Variants in RFTN1 observed in about 807,000 individuals in gnomAD.
RFTN1 encodes raftlin.
A neutral mutation model predicts 46.5 loss-of-function variants in RFTN1; 26 were observed. That is an observed-to-expected ratio of 0.56 (90% CI 0.41 to 0.78). The LOEUF (loss-of-function observed/expected upper bound fraction) is 0.78, where lower values mean the gene tolerates loss of function less well. Among genes scored for constraint, RFTN1 ranks in the 30% least tolerant of loss-of-function variants. RFTN1 has a pLI of 0.00. For synonymous variants in RFTN1, 261 were observed against 284.2 expected, an observed-to-expected ratio of 0.92 and a Z score of 0.82; for missense variants, 693 against 718.7, an observed-to-expected ratio of 0.96 and a Z score of 0.41.
At chr3:16,415,507 TG>T (rs1186310405) in intron 3 of RFTN1, among the ~76,000 whole-genome samples, 2 of 151,140 alleles carry the variant, frequency 1.3e-5, no homozygotes, top group African/African-American at 4.9e-5. Context: ...GGACTGCAGC[TG>T]GAGATATAAA....
chr3:16,434,805 C>A (rs1438385599), intron 2 of RFTN1: 1 of 152,066 alleles, frequency 6.6e-6, no homozygotes, highest in Non-Finnish European at 1.5e-5. Flanking sequence ...AGACAAAGGG[C>A]TAATTTCCTT....
intron 3 of RFTN1, among the ~76,000 whole-genome samples, chr3:16,423,249 C>A (rs1575268428): frequency 1.3e-5 from 2 of 151,442 alleles, no homozygotes; most frequent in African/African-American, 4.9e-5. Flanking sequence ...TGTCCTTCCA[C>A]AGACATTAGG....
intron 1 of RFTN1, among the ~76,000 whole-genome samples, chr3:16,495,633 A>G (rs1012872783): frequency 2.0e-5 from 3 of 152,248 alleles, no homozygotes; most frequent in Non-Finnish European, 4.4e-5. Context: ...GCAAGAGCAA[A>G]GGCATGGAGG....
Position 16,361,615 on chromosome 3 carries a change from G to A in RFTN1, c.1031-3568C>T, listed in dbSNP as rs1214399466. On this transcript the variant is annotated intron_variant, in intron 6 of 9. Coordinates refer to ENST00000334133, the MANE Select transcript of RFTN1 (RefSeq NM_015150.2). This position sits in a 1 kb window ranked among gnomAD's most constrained non-coding sequence, Gnocchi z 4.3. The stretch of plus-strand genomic sequence containing the variant: ...AGGGACAGCCAGCCTGACATGCAGA[G>A]TGAACGAAGGACAGCCAAGGACCAG... 6.6e-6 allele frequency among the ~76,000 whole-genome samples: 1 copy of A among 152,188 alleles called. No individual in the cohort carries two copies. The highest frequency in any genetic ancestry group is 1.5e-5 in the Non-Finnish European group (1 of 68,032).
In RFTN1 at chr3:16,327,182, CGAA is replaced by C. The variant is rs1169338795; in HGVS notation, c.1147-309_1147-307del. 1.3e-5 allele frequency among the ~76,000 whole-genome samples: 2 copies of C among 152,150 alleles called. No individual in the cohort carries two copies. The highest frequency in any genetic ancestry group is 4.8e-5 in the African/African-American group (2 of 41,428). On this transcript the variant is annotated intron_variant, in intron 7 of 9. Coordinates refer to ENST00000334133, the MANE Select transcript of RFTN1 (RefSeq NM_015150.2). The surrounding 1 kb of genome is among the most constrained non-coding windows in gnomAD (Gnocchi z 4.2). ...AATAGCCTCCTGTGAGTTTCACTGA[CGAA>C]GCATAACTGTCTCACCTCTGAGCGG... is the stretch of plus-strand genomic sequence containing the variant.
At chr3:16,412,392 T>C (rs965025570) in intron 3 of RFTN1, among the ~76,000 whole-genome samples, 2 of 152,192 alleles carry the variant, frequency 1.3e-5, no homozygotes, top group African/African-American at 2.4e-5. Flanking sequence ...AGCTATGGCC[T>C]CACAGAGGAA....
rs2073977424 is a variant in RFTN1, at chr3:16,381,103, A to G, written c.442-3001T>C. Among the ~76,000 whole-genome samples, 2 of 152,328 alleles carry G rather than the reference A, an allele frequency of 1.3e-5. No homozygotes were observed. The highest frequency in any genetic ancestry group is 2.1e-4 in the South Asian group (1 of 4,820). On this transcript the variant is annotated intron_variant, in intron 4 of 9. Coordinates refer to ENST00000334133, the MANE Select transcript of RFTN1 (RefSeq NM_015150.2). This position sits in a 1 kb window ranked among gnomAD's most constrained non-coding sequence, Gnocchi z 4.2. ...TTTAAAAATAATTACACTATCATGGAACAATTAATGCTTGAAATGACATAT... is the reference window on the plus strand; with the variant it reads ...TTTAAAAATAATTACACTATCATGGGACAATTAATGCTTGAAATGACATAT...
In RFTN1 at chr3:16,341,673, T is replaced by C. The variant is rs2071327851; in HGVS notation, c.1147-14797A>G. On this transcript the variant is annotated intron_variant, in intron 7 of 9. Transcript: ENST00000334133. The surrounding 1 kb of genome is among the most constrained non-coding windows in gnomAD (Gnocchi z 4.7). ...TTGAATCAAAACTGACATGAATTACTATACAAGAGCAAGAAAATTGAAGTC... is the reference window on the plus strand; with the variant it reads ...TTGAATCAAAACTGACATGAATTACCATACAAGAGCAAGAAAATTGAAGTC... Among the ~76,000 whole-genome samples the C allele has an allele frequency of 6.6e-6, 1 of 152,210 alleles. No individual in the cohort carries two copies. The highest frequency in any genetic ancestry group is 2.4e-5 in the African/African-American group (1 of 41,466).
Position 16,404,097 on chromosome 3 carries a change from TATTA to T in RFTN1, c.441+5274_441+5277del, listed in dbSNP as rs1169738204. On this transcript the variant is annotated intron_variant, in intron 4 of 9. Transcript: ENST00000334133. The stretch of plus-strand genomic sequence containing the variant: ...TTATATATATATTTTATATATTATA[TATTA>T]TATATAATATATAATATACATTTTA... 1.4e-4 allele frequency among the ~76,000 whole-genome samples: 2 copies of T among 14,772 alleles called. 1 individual carries two copies. Among genetic ancestry groups the T allele is most frequent in the Non-Finnish European group, 2.2e-4 (2 of 9,266 alleles). The allele number at this position is 14,772 out of a possible 152,430, so 9.7% of individuals were successfully genotyped here.
At position 16,320,154 on chromosome 3, in the gene RFTN1, A is replaced by G. The variant is rs9811719; in HGVS notation, c.1333-2922T>C. On this transcript the variant is annotated intron_variant, in intron 9 of 9. Coordinates refer to ENST00000334133, the MANE Select transcript of RFTN1 (RefSeq NM_015150.2). This position sits in a 1 kb window ranked among gnomAD's most constrained non-coding sequence, Gnocchi z 4.5. ...AATTTGCACATTTTAAAAACTGCCC[A>G]TGATGTGTCCACTTCAAGTAGTTTA... Among the ~76,000 whole-genome samples, 4,084 of 151,188 alleles carry G rather than the reference A, an allele frequency of 0.027. 181 individuals carry two copies. The highest frequency in any genetic ancestry group is 0.096 in the African/African-American group (3,869 of 40,484).
At position 16,321,706 on chromosome 3, in the gene RFTN1, A is replaced by G. The variant is rs2069078227; in HGVS notation, c.1332+1670T>C. On this transcript the variant is annotated intron_variant, in intron 9 of 9. Coordinates refer to ENST00000334133, the MANE Select transcript of RFTN1 (RefSeq NM_015150.2). This position sits in a 1 kb window ranked among gnomAD's most constrained non-coding sequence, Gnocchi z 4.8. ...AGGCAGGAAATAATTAGGTACATGGAAAGAGAAAGCAGTCCACCCAGATGA... is the reference window on the plus strand; with the variant it reads ...AGGCAGGAAATAATTAGGTACATGGGAAGAGAAAGCAGTCCACCCAGATGA... 6.6e-6 allele frequency among the ~76,000 whole-genome samples: 1 copy of G among 152,182 alleles called. No homozygotes were observed. The highest frequency in any genetic ancestry group is 6.5e-5 in the Admixed American group (1 of 15,284).
At chr3:16,340,262 AC>A (rs2071228453) in intron 7 of RFTN1, among the ~76,000 whole-genome samples, 1 of 152,208 alleles carries the variant, frequency 6.6e-6, no homozygotes. Context: ...TATGATGCAA[AC>A]CGCAGCATGA....
chr3:16,486,016 G>T (rs1396384837), intron 2 of RFTN1, among the ~76,000 whole-genome samples: 1 of 152,168 alleles, frequency 6.6e-6, no homozygotes, highest in Non-Finnish European at 1.5e-5. Context: ...GAGCATTATT[G>T]GAGAATGCTT....
rs1219345673 is a variant in RFTN1, at chr3:16,351,887, A to C, written c.1146+6045T>G. Among the ~76,000 whole-genome samples the C allele has an allele frequency of 6.6e-6, 1 of 152,184 alleles. No individual in the cohort carries two copies. Among genetic ancestry groups the C allele is most frequent in the Non-Finnish European group, 1.5e-5 (1 of 68,044 alleles). On this transcript the variant is annotated intron_variant, in intron 7 of 9. Coordinates refer to ENST00000334133, the MANE Select transcript of RFTN1 (RefSeq NM_015150.2). This position sits in a 1 kb window ranked among gnomAD's most constrained non-coding sequence, Gnocchi z 5.4. Reference sequence around the variant, plus strand: ...GAGGGGACTAGAAAGACTAGAAAAAAAAATCATGAAAACATGGATTCTGCA... The same window carrying C: ...GAGGGGACTAGAAAGACTAGAAAAACAAATCATGAAAACATGGATTCTGCA...
At position 16,341,599 on chromosome 3, in the gene RFTN1, A is replaced by T. The variant is rs1327344045; in HGVS notation, c.1147-14723T>A. 6.6e-6 allele frequency among the ~76,000 whole-genome samples: 1 copy of T among 152,208 alleles called. No homozygotes were observed. The highest frequency in any genetic ancestry group is 1.5e-5 in the Non-Finnish European group (1 of 68,032). On this transcript the variant is annotated intron_variant, in intron 7 of 9. Coordinates refer to ENST00000334133, the MANE Select transcript of RFTN1 (RefSeq NM_015150.2). The surrounding 1 kb of genome is among the most constrained non-coding windows in gnomAD (Gnocchi z 4.7). Reference sequence around the variant, plus strand: ...TCAGTTCAGTTTTGCTATGAACCTAAAACTACTCTAAAATATAAAGTTTAT... The same window carrying T: ...TCAGTTCAGTTTTGCTATGAACCTATAACTACTCTAAAATATAAAGTTTAT...
Position 16,484,255 on chromosome 3 carries a change from T to C in RFTN1, c.145+9470A>G, listed in dbSNP as rs986718429. Among the ~76,000 whole-genome samples the C allele has an allele frequency of 1.3e-5, 2 of 152,226 alleles. No homozygotes were observed. The highest frequency in any genetic ancestry group is 2.9e-5 in the Non-Finnish European group (2 of 68,044). ...AAGGACAACTCTTATAAACAATGAT[T>C]ATCAGCTGCTTCTGTAGTTGTGTGT... On this transcript the variant is annotated intron_variant, in intron 2 of 9. Coordinates refer to ENST00000334133, the MANE Select transcript of RFTN1 (RefSeq NM_015150.2). This position sits in a 1 kb window ranked among gnomAD's most constrained non-coding sequence, Gnocchi z 4.6.
intron 8 of RFTN1, among the ~76,000 whole-genome samples, chr3:16,325,803 T>G (rs186801598): frequency 6.6e-6 from 1 of 152,318 alleles, no homozygotes; most frequent in African/African-American, 2.4e-5. Context: ...GTTGTCACCA[T>G]GATTCTGCAC....
chr3:16,438,774 C>T (rs1292724145), intron 2 of RFTN1, among the ~76,000 whole-genome samples: 1 of 151,922 alleles, frequency 6.6e-6, no homozygotes, highest in Non-Finnish European at 1.5e-5. Context: ...TGTGTGTAAT[C>T]TACAGAACAC....
At position 16,341,853 on chromosome 3, in the gene RFTN1, G is replaced by A. The variant is rs115565674; in HGVS notation, c.1147-14977C>T. On this transcript the variant is annotated intron_variant, in intron 7 of 9. Transcript: ENST00000334133. This position sits in a 1 kb window ranked among gnomAD's most constrained non-coding sequence, Gnocchi z 4.7. ...ACAAAAATGTATAACAGTTTGAAGA[G>A]TATGATACCATTTTTGTAAAAAATA... Among the ~76,000 whole-genome samples, 4,556 of 152,240 alleles carry A rather than the reference G, an allele frequency of 0.03. 100 individuals carry two copies. Among genetic ancestry groups the A allele is most frequent in the Middle Eastern group, 0.082 (24 of 294 alleles).
Sources: gnomAD v4.1 joint callset for allele counts (sites outside exome capture counted in the v4.1 genomes callset) on GRCh38, gnomAD v4.1.1 for gene constraint, Gnocchi (gnomAD v3.1) non-coding constraint, MANE v1.5 for transcripts, NCBI Gene and HGNC (gene_info 2026-07-23, HGNC 2026-07-21) for gene names.